ODF2: variants seen among roughly 807,000 people sequenced by gnomAD.
The protein encoded by ODF2 is outer dense fiber of sperm tails 2, also known as outer dense fiber protein 2.
Under a neutral mutation model 110.2 loss-of-function variants are expected in ODF2, and 47 were observed. That is an observed-to-expected ratio of 0.43 (90% CI 0.34 to 0.54). The LOEUF (loss-of-function observed/expected upper bound fraction) is 0.54, where lower values mean the gene tolerates loss of function less well. Ranked by LOEUF, ODF2 falls within the 20% of genes least tolerant of loss-of-function variation. ODF2 has a pLI of 0.03. For missense variants in ODF2, 812 were observed against 1,054.5 expected (o/e 0.77, Z 3.19); for synonymous variants, 352 against 397.7 (o/e 0.89, Z 1.37).
intron 8 of ODF2, among the ~76,000 whole-genome samples, chr9:128,475,120 A>G (rs1840989191): frequency 6.6e-6 from 1 of 152,156 alleles, no homozygotes; most frequent in African/African-American, 2.4e-5. Context: ...TTTTCTTGAT[A>G]TTATCCCCTG....
At chr9:128,481,240 G>C (rs1842338201) in intron 8 of ODF2, among the ~76,000 whole-genome samples, 1 of 152,202 alleles carries the variant, frequency 6.6e-6, no homozygotes, top group South Asian at 2.1e-4. Context: ...GGAGGCCAAA[G>C]CAGGCAGATT....
intron 14 of ODF2, among the ~76,000 whole-genome samples, chr9:128,491,813 T>C (rs2132209165): frequency 6.6e-6 from 1 of 152,100 alleles, no homozygotes; most frequent in Middle Eastern, 3.4e-3. Flanking sequence ...TATATAGCCA[T>C]ATCCAAGTCA....
In ODF2 at chr9:128,456,872, C is replaced by G. The variant is rs1588665194; in HGVS notation, c.-208-326C>G. 6.9e-6 allele frequency: 9 copies of G among 1,312,582 alleles called. No individual in the cohort carries two copies. In the East Asian group the frequency reaches 2.4e-4, roughly 35 times the overall value. The allele number at this position is 1,312,582 out of a possible 1,614,324, so 81.3% of individuals were successfully genotyped here. A position where few individuals can be genotyped will look rare whatever the true frequency, so the allele number is the denominator to read the frequency against. The stretch of plus-strand genomic sequence containing the variant: ...GCCCGTGCAACCTCCGCGCCTCCCT[C>G]CTTTAAACACTATTGGTCCTCTCGG... On this transcript the variant is annotated intron_variant, in intron 1 of 20. Transcript: ENST00000604420.
Position 128,460,929 on chromosome 9 carries a change from TC to T in ODF2, c.124-10del. ...GGGTGTGGAAGTGACCCTGGGTTTG[TC>T]CCTTTCCACAGAAATCTCACAAGCG... On this transcript the variant is annotated splice_polypyrimidine_tract_variant and intron_variant, in intron 3 of 20. Coordinates refer to ENST00000604420, the Ensembl canonical transcript of ODF2. 1 of 1,614,144 alleles carries T rather than the reference TC, an allele frequency of 6.2e-7. No individual in the cohort carries two copies. The highest frequency in any genetic ancestry group is 8.5e-7 in the Non-Finnish European group (1 of 1,180,030).
intron 1 of ODF2, chr9:128,456,820 G>GT (rs2131390795): frequency 7.6e-7 from 1 of 1,318,210 alleles, no homozygotes; most frequent in Non-Finnish European, 9.7e-7. Context: ...ACTCTGTTCG[G>GT]TTTTCCCTCG....
chr9:128,461,044 C>T (rs370139700), exon 4 of ODF2: 50 of 1,614,108 alleles, frequency 3.1e-5, no homozygotes, highest in Middle Eastern at 3.3e-4. Flanking sequence ...ATCATCTGCC[C>T]GGCCTGTGGG....
chr9:128,457,105 G>C, intron 1 of ODF2: 1 of 1,398,334 alleles, frequency 7.2e-7, no homozygotes, highest in Non-Finnish European at 9.4e-7. Flanking sequence ...GGGCGCGGTG[G>C]TCCTTTCCCT....
intron 4 of ODF2, among the ~76,000 whole-genome samples, chr9:128,466,093 C>T (rs1013430394): frequency 1.8e-4 from 28 of 151,676 alleles, no homozygotes; most frequent in Admixed American, 2.0e-4. Flanking sequence ...GAGCCAAGAT[C>T]GCGCCCCTGC....
rs1263948993 is a variant in ODF2 at position 128,484,032 on chromosome 9, G to A, written c.1082G>A (p.Ser361Asn). 1.9e-6 allele frequency: 3 copies of A among 1,612,284 alleles called. No homozygotes were observed. The East Asian group carries it at 6.7e-5, about 36-fold the overall frequency. The change falls in exon 11 of 21, where the codon AGT becomes AAT. Residue 361 changes from serine (S) to asparagine (N), a missense_variant. Around this residue, in one of 5 missense-constraint regions of ODF2, gnomAD observed 73 missense variants for 71.0 expected, o/e 1.03. Coordinates refer to ENST00000604420, the Ensembl canonical transcript of ODF2. ...CTTCGGTCCAAAGAGGCTGAGAACA[G>A]TCGCCTGTGCATGCAGATTAAGGTA...
At chr9:128,491,628 C>T (rs1844572136) in intron 14 of ODF2, among the ~76,000 whole-genome samples, 1 of 151,718 alleles carries the variant, frequency 6.6e-6, no homozygotes, top group South Asian at 2.1e-4. Context: ...TGTGCCTTTG[C>T]ACTCCAGCCT....
At chr9:128,462,742 A>T (rs1331532156) in intron 4 of ODF2, among the ~76,000 whole-genome samples, 3 of 151,906 alleles carry the variant, frequency 2.0e-5, no homozygotes, top group African/African-American at 7.3e-5. Context: ...TGGGACTATA[A>T]GTGCCCGCCA....
chr9:128,469,652 A>T (rs1015950311), intron 5 of ODF2, among the ~76,000 whole-genome samples: 9 of 152,080 alleles, frequency 5.9e-5, no homozygotes, highest in African/African-American at 1.9e-4. Flanking sequence ...CATTACAGAG[A>T]TGAAATACCT....
At chr9:128,488,257 T>A (rs1480520649) in intron 14 of ODF2, among the ~76,000 whole-genome samples, 1 of 152,008 alleles carries the variant, frequency 6.6e-6, no homozygotes, top group African/African-American at 2.4e-5. Flanking sequence ...AAATCCTGTG[T>A]CTGCAAAACA....
At chr9:128,487,510 G>C (rs1015832781) in intron 13 of ODF2, among the ~76,000 whole-genome samples, 1 of 152,092 alleles carries the variant, frequency 6.6e-6, no homozygotes, top group Non-Finnish European at 1.5e-5. Context: ...GTAATTGGCC[G>C]GGTGCGGTGG....
chr9:128,465,755 A>AAT (rs201877006), intron 4 of ODF2, among the ~76,000 whole-genome samples: 2 of 151,534 alleles, frequency 1.3e-5, no homozygotes, highest in Admixed American at 1.3e-4. Context: ...AAAAAAAAAA[A>AAT]GTGATCTATT....
exon 2 of ODF2, chr9:128,457,240 A>G (rs751094748): frequency 2.0e-5 from 32 of 1,593,618 alleles, no homozygotes; most frequent in Non-Finnish European, 2.6e-5. Flanking sequence ...GCGCCTCCCA[A>G]GTTTTCATCC....
intron 5 of ODF2, among the ~76,000 whole-genome samples, chr9:128,470,931 G>C (rs1274336792): frequency 6.8e-6 from 1 of 146,310 alleles, no homozygotes; most frequent in African/African-American, 2.5e-5. Flanking sequence ...TTTTTTTTGA[G>C]ATGGAGTCTC....
chr9:128,487,067 C>CCT (rs753320019), intron 13 of ODF2, among the ~76,000 whole-genome samples: 112 of 150,792 alleles, frequency 7.4e-4, no homozygotes, highest in African/African-American at 1.9e-3. Flanking sequence ...GGTACACATC[C>CCT]CTCTCTCTCT....
intron 11 of ODF2, 63 bp downstream of exon 11, chr9:128,484,117 G>A (rs1842936142): frequency 2.5e-6 from 3 of 1,201,878 alleles, no homozygotes; most frequent in Non-Finnish European, 3.7e-6. Flanking sequence ...GATGGTAGCG[G>A]CCTGGCCCAG....
Sources: allele counts gnomAD v4.1 joint callset (sites outside exome capture counted in the v4.1 genomes callset), GRCh38; gene constraint gnomAD v4.1.1; regional missense constraint gnomAD v4.1.1; transcripts MANE v1.5; gene names NCBI Gene and HGNC (gene_info 2026-07-23, HGNC 2026-07-21).